The following NCKAP5 variants were observed in gnomAD, a reference collection of about 807,000 sequenced individuals.
NCKAP5 encodes nck-associated protein 5.
In NCKAP5, 92 loss-of-function variants were observed where a neutral mutation model predicts 167.0. That is an observed-to-expected ratio of 0.55 (90% CI 0.47 to 0.66). The LOEUF (loss-of-function observed/expected upper bound fraction) is 0.66, where lower values mean the gene tolerates loss of function less well. Ranked by LOEUF, NCKAP5 falls within the 30% of genes least tolerant of loss-of-function variation. The pLI is 0.00. For synonymous variants in NCKAP5, 891 were observed against 877.4 expected, an observed-to-expected ratio of 1.02 and a Z score of -0.27; for missense variants, 2,378 against 2,315.0, an observed-to-expected ratio of 1.03 and a Z score of -0.56.
chr2:133,208,115 G>T (rs1450790413), intron 5 of NCKAP5, among the ~76,000 whole-genome samples: 1 of 152,160 alleles, frequency 6.6e-6, no homozygotes, highest in Non-Finnish European at 1.5e-5. Context: ...AAGGCAGGCA[G>T]ATCACTTGAG....
At chr2:133,005,230 C>A (rs2077923606) in intron 6 of NCKAP5, among the ~76,000 whole-genome samples, 1 of 152,042 alleles carries the variant, frequency 6.6e-6, no homozygotes, top group Admixed American at 6.5e-5. Flanking sequence ...TGATAAATGT[C>A]CATGAAATCT....
At chr2:132,802,876 T>C (rs1254818841) in intron 11 of NCKAP5, among the ~76,000 whole-genome samples, 1 of 152,166 alleles carries the variant, frequency 6.6e-6, no homozygotes, top group East Asian at 1.9e-4. Context: ...AGAAGTGTGA[T>C]TTTTCATCAG....
At chr2:133,528,522 G>A (rs952350486) in intron 2 of NCKAP5, among the ~76,000 whole-genome samples, 4 of 152,176 alleles carry the variant, frequency 2.6e-5, no homozygotes, top group African/African-American at 9.7e-5. Flanking sequence ...TTTCTAACAA[G>A]CTGATGCTTC....
At chr2:133,259,609 T>C (rs2088803927) in intron 4 of NCKAP5, among the ~76,000 whole-genome samples, 1 of 152,110 alleles carries the variant, frequency 6.6e-6, no homozygotes, top group South Asian at 2.1e-4. Context: ...ATTCCAAAGT[T>C]CTACAAAATC....
At chr2:133,218,526 C>G (rs991700512) in intron 4 of NCKAP5, among the ~76,000 whole-genome samples, 1 of 152,176 alleles carries the variant, frequency 6.6e-6, no homozygotes, top group Non-Finnish European at 1.5e-5. Context: ...TGGAGATACC[C>G]AGGGTCCCAG....
At chr2:133,147,233 T>A (rs1271680937) in intron 5 of NCKAP5, among the ~76,000 whole-genome samples, 2 of 152,142 alleles carry the variant, frequency 1.3e-5, no homozygotes, top group African/African-American at 4.8e-5. Flanking sequence ...TAATACCTAC[T>A]AAGCACAGGG....
chr2:132,782,935 T>C lies in NCKAP5; in HGVS notation c.3876A>G (p.Glu1292=). The C allele has an allele frequency of 6.2e-7, 1 of 1,613,928 alleles. No homozygotes were observed. Among genetic ancestry groups the C allele is most frequent in the South Asian group, 1.1e-5 (1 of 91,080 alleles). Residue 1292 remains glutamate (E), a synonymous_variant, in exon 14 of 20, where the codon GAA becomes GAG. Coordinates refer to ENST00000409261, the MANE Select transcript of NCKAP5 (RefSeq NM_207363.3). ...SGDKPSTPPI[E]GSGKVRTQII... ...TCTGAGTGCGGACTTTGCCTGACCC[T>C]TCGATGGGGGGCGTAGAAGGCTTGT...
Position 133,189,037 on chromosome 2 carries a change from G to C in NCKAP5, c.207+24679C>G, listed in dbSNP as rs993691827. On this transcript the variant is annotated intron_variant, in intron 5 of 19. Coordinates refer to ENST00000409261, the MANE Select transcript of NCKAP5 (RefSeq NM_207363.3). ...GATCAACAAAATTGATAGGCTACTA[G>C]CAAGACTAATAAAGAAGAAAAGAGA... Among the ~76,000 whole-genome samples the C allele has an allele frequency of 2.6e-5, 4 of 152,022 alleles. 1 individual carries two copies. The highest frequency in any genetic ancestry group is 2.0e-4 in the Admixed American group (3 of 15,254).
chr2:133,649,467 T>C, the NCKAP5 span, among the ~76,000 whole-genome samples: 1 of 151,776 alleles, frequency 6.6e-6, no homozygotes, highest in Non-Finnish European at 1.5e-5. Context: ...TTAATAAATA[T>C]AAATGCAAAA....
At chr2:132,781,593 A>C (rs1683037974) in intron 14 of NCKAP5, among the ~76,000 whole-genome samples, 1 of 152,198 alleles carries the variant, frequency 6.6e-6, no homozygotes, top group Non-Finnish European at 1.5e-5. Flanking sequence ...CGAAATCGGC[A>C]TGCTTTAAAA....
chr2:133,215,954 T>A (rs2086409580), intron 4 of NCKAP5, among the ~76,000 whole-genome samples: 2 of 152,132 alleles, frequency 1.3e-5, no homozygotes, highest in Non-Finnish European at 2.9e-5. Flanking sequence ...CAAAAATTAA[T>A]TATATTTTAC....
chr2:133,571,093 T>C (rs1248790980), upstream of NCKAP5, among the ~76,000 whole-genome samples: 1 of 152,234 alleles, frequency 6.6e-6, no homozygotes, highest in Non-Finnish European at 1.5e-5. Context: ...TTTCTATTCC[T>C]CTAGAGAAAG....
chr2:132,763,701 G>A (rs564907720), intron 16 of NCKAP5, among the ~76,000 whole-genome samples: 11 of 152,312 alleles, frequency 7.2e-5, no homozygotes, highest in African/African-American at 2.6e-4. Flanking sequence ...AAAAGCCAAT[G>A]CTCCCAGTTC....
At chr2:132,868,507 T>A (rs1341909887) in intron 10 of NCKAP5, among the ~76,000 whole-genome samples, 1 of 152,172 alleles carries the variant, frequency 6.6e-6, no homozygotes. Context: ...GAATTGTTAT[T>A]CCCACATTAC....
At chr2:133,532,438 T>C (rs1218341558) in intron 2 of NCKAP5, among the ~76,000 whole-genome samples, 1 of 152,192 alleles carries the variant, frequency 6.6e-6, no homozygotes. Context: ...GACTGTACTG[T>C]AGCAATTTAT....
chr2:133,014,982 A>G (rs560548173), intron 6 of NCKAP5, among the ~76,000 whole-genome samples: 2 of 152,254 alleles, frequency 1.3e-5, no homozygotes, highest in Non-Finnish European at 2.9e-5. Context: ...TAAACACATT[A>G]AAGTAAATTT....
chr2:133,054,821 T>C (rs534852986), intron 6 of NCKAP5, among the ~76,000 whole-genome samples: 29 of 152,324 alleles, frequency 1.9e-4, no homozygotes, highest in African/African-American at 7.0e-4. Flanking sequence ...TGGTTCATTG[T>C]TCAGGAAAAT....
chr2:133,277,189 T>G (rs187164322), intron 4 of NCKAP5, among the ~76,000 whole-genome samples: 1 of 152,070 alleles, frequency 6.6e-6, no homozygotes, highest in South Asian at 2.1e-4. Context: ...AATGCAATTA[T>G]GCAAGATAAA....
At chr2:133,426,228 C>G (rs568058000) in intron 3 of NCKAP5, among the ~76,000 whole-genome samples, 3 of 151,896 alleles carry the variant, frequency 2.0e-5, no homozygotes, top group Non-Finnish European at 2.9e-5. Context: ...CGAAGTCACA[C>G]CATTACACTC....
Sources: gnomAD v4.1 joint callset for allele counts (sites outside exome capture counted in the v4.1 genomes callset) on GRCh38, gnomAD v4.1.1 for gene constraint, MANE v1.5 for transcripts, NCBI Gene and HGNC (gene_info 2026-07-23, HGNC 2026-07-21) for gene names.